The following SYT14 variants were observed in gnomAD, a reference collection of about 807,000 sequenced individuals.
The protein encoded by SYT14 is synaptotagmin 14, also known as synaptotagmin-14.
SYT14 carries 32 observed loss-of-function variants against 74.2 expected under a neutral mutation model. The observed-to-expected ratio is 0.43, with a 90% CI of 0.33 to 0.58. SYT14 has a LOEUF of 0.58. Ranked by LOEUF, SYT14 falls within the 20% of genes least tolerant of loss-of-function variation. The pLI is 0.05. For synonymous variants in SYT14, 298 were observed against 337.7 expected (o/e 0.88, Z 1.29); for missense variants, 791 against 981.8 (o/e 0.81, Z 2.60).
chr1:210,015,824 C>A, exon 4 of SYT14: 33 of 1,078,696 alleles, frequency 3.1e-5, no homozygotes, highest in East Asian at 7.6e-5. Context: ...TTTACTTCAA[C>A]ATATTTCTTT....
rs914659249 is a variant in SYT14, at chr1:209,965,957, G to A, written c.-486+13201G>A. 8.8e-5 allele frequency: 40 copies of A among 453,594 alleles called. No homozygotes were observed. The highest frequency in any genetic ancestry group is 1.2e-4 in the Non-Finnish European group (28 of 226,170). The allele number at this position is 453,594 out of a possible 1,614,324, so 28.1% of individuals were successfully genotyped here. A position where few individuals can be genotyped will look rare whatever the true frequency, so the allele number is the denominator to read the frequency against. ...ACCATCTTGGCTCACTGCAACTTCC[G>A]CCTCCTGGGTTCAAACGATTCTTCT... On this transcript the variant is annotated intron_variant, in intron 2 of 9. Coordinates refer to ENST00000637265, the Ensembl canonical transcript of SYT14.
intron 5 of SYT14, among the ~76,000 whole-genome samples, chr1:210,080,209 A>G (rs553439325): frequency 5.3e-5 from 8 of 152,232 alleles, no homozygotes; most frequent in Non-Finnish European, 1.2e-4. Flanking sequence ...TCAGCCTTTT[A>G]GCAGGAACAC....
At chr1:210,067,432 A>G (rs566159704) in intron 5 of SYT14, among the ~76,000 whole-genome samples, 3 of 152,064 alleles carry the variant, frequency 2.0e-5, no homozygotes, top group Non-Finnish European at 4.4e-5. Flanking sequence ...TGAACATGAG[A>G]TGTTTGTCCA....
intron 5 of SYT14, among the ~76,000 whole-genome samples, chr1:210,026,638 A>ACACACACT (rs1553267805): frequency 1.2e-3 from 181 of 151,280 alleles, no homozygotes; most frequent in East Asian, 9.4e-3. Context: ...ACACACACAC[A>ACACACACT]CACACTCACC....
chr1:210,068,876 T>C (rs2081343309), intron 5 of SYT14, among the ~76,000 whole-genome samples: 2 of 151,986 alleles, frequency 1.3e-5, no homozygotes, highest in African/African-American at 2.4e-5. Flanking sequence ...GCTTACTTCA[T>C]TGTTTTTCAG....
intron 5 of SYT14, among the ~76,000 whole-genome samples, chr1:210,048,287 T>C (rs1242862125): frequency 6.6e-6 from 1 of 152,208 alleles, no homozygotes; most frequent in Non-Finnish European, 1.5e-5. Context: ...TTTTGATCTG[T>C]ATGTGTCCCT....
At chr1:210,150,511 T>G (rs2083136899) in intron 7 of SYT14, among the ~76,000 whole-genome samples, 1 of 152,184 alleles carries the variant, frequency 6.6e-6, no homozygotes, top group Non-Finnish European at 1.5e-5. Context: ...TCCCTGGGGC[T>G]AGGAAAGGAC....
At chr1:209,963,276 A>G (rs1269850920) in intron 2 of SYT14, among the ~76,000 whole-genome samples, 1 of 152,188 alleles carries the variant, frequency 6.6e-6, no homozygotes, top group Admixed American at 6.5e-5. Flanking sequence ...TGGTCCTGAC[A>G]GAATTGGTGT....
At chr1:210,078,207 G>A (rs563004738) in intron 5 of SYT14, among the ~76,000 whole-genome samples, 1 of 150,706 alleles carries the variant, frequency 6.6e-6, no homozygotes, top group South Asian at 2.1e-4. Context: ...CTACTCGGGA[G>A]GCTGAGGCAG....
intron 2 of SYT14, among the ~76,000 whole-genome samples, chr1:209,960,033 C>G (rs1410936905): frequency 6.6e-6 from 1 of 152,044 alleles, no homozygotes; most frequent in Non-Finnish European, 1.5e-5. Flanking sequence ...ATATTTATTA[C>G]TTTAGATTTT....
At chr1:210,040,245 A>G (rs1458165694) in intron 5 of SYT14, among the ~76,000 whole-genome samples, 1 of 152,146 alleles carries the variant, frequency 6.6e-6, no homozygotes, top group Non-Finnish European at 1.5e-5. Context: ...GGAAACCATC[A>G]TTCTCAGCAA....
At position 209,941,058 on chromosome 1, in the gene SYT14, T is replaced by C. The variant is rs139370579; in HGVS notation, c.-534+2781T>C. ...AATGTTTTGAACTGAACAGATCGTT[T>C]ATATCTGTTAAGCATACTCTTATTA... On this transcript the variant is annotated intron_variant, in intron 1 of 9. Coordinates refer to ENST00000637265, the Ensembl canonical transcript of SYT14. 4.1e-3 allele frequency among the ~76,000 whole-genome samples: 622 copies of C among 152,348 alleles called. 2 individuals are homozygous for C. Among genetic ancestry groups the C allele is most frequent in the Non-Finnish European group, 6.8e-3 (465 of 68,016 alleles).
At chr1:209,967,900 T>C (rs957278964) in intron 2 of SYT14, among the ~76,000 whole-genome samples, 3 of 152,174 alleles carry the variant, frequency 2.0e-5, no homozygotes, top group African/African-American at 2.4e-5. Flanking sequence ...TCAACTCTTA[T>C]CAAGTAGCAC....
chr1:210,154,449 A>G lies in SYT14; in HGVS notation c.2035-1272A>G, dbSNP rs563607705. On this transcript the variant is annotated intron_variant, in intron 7 of 9. Coordinates refer to ENST00000637265, the Ensembl canonical transcript of SYT14. ...CAGGAAACTGGTCGCTGGTGCCAAA[A>G]AGGTTGGAGATCGCTGGTATATTTC... is the stretch of plus-strand genomic sequence containing the variant. Among the ~76,000 whole-genome samples, 3 of 152,266 alleles carry G rather than the reference A, an allele frequency of 2.0e-5. No homozygotes were observed. The East Asian group carries it at 5.8e-4, about 29-fold the overall frequency.
At chr1:210,092,346 G>A (rs941579329) in intron 5 of SYT14, among the ~76,000 whole-genome samples, 1 of 152,258 alleles carries the variant, frequency 6.6e-6, no homozygotes, top group Admixed American at 6.5e-5. Context: ...AGGGAAGCAG[G>A]CGAAAGGCAA....
At chr1:209,969,634 C>T (rs1236842006) in intron 2 of SYT14, among the ~76,000 whole-genome samples, 1 of 151,712 alleles carries the variant, frequency 6.6e-6, no homozygotes, top group South Asian at 2.1e-4. Context: ...ACTACAGGCG[C>T]GTGCCACCAC....
At chr1:210,052,410 C>G (rs2081014054) in intron 5 of SYT14, among the ~76,000 whole-genome samples, 2 of 151,974 alleles carry the variant, frequency 1.3e-5, no homozygotes, top group Admixed American at 6.6e-5. Flanking sequence ...CGCCTGTAAT[C>G]CCAGCACCCT....
chr1:210,113,273 TG>T (rs1481251485), intron 7 of SYT14, among the ~76,000 whole-genome samples: 1 of 150,844 alleles, frequency 6.6e-6, no homozygotes, highest in Non-Finnish European at 1.5e-5. Flanking sequence ...TTAGGATCTG[TG>T]GGGTCAGCTA....
chr1:209,977,747 T>C (rs1013718397), intron 2 of SYT14, among the ~76,000 whole-genome samples: 1 of 152,206 alleles, frequency 6.6e-6, no homozygotes, highest in Non-Finnish European at 1.5e-5. Flanking sequence ...ATTTGAATGT[T>C]GGCCTGCCTT....
Sources: allele counts gnomAD v4.1 joint callset (sites outside exome capture counted in the v4.1 genomes callset), GRCh38; gene constraint gnomAD v4.1.1; transcripts MANE v1.5; gene names NCBI Gene and HGNC (gene_info 2026-07-23, HGNC 2026-07-21).